Variants in PJA2 observed in about 807,000 individuals in gnomAD.
The protein encoded by PJA2 is E3 ubiquitin-protein ligase Praja-2.
PJA2 carries 25 observed loss-of-function variants against 69.3 expected under a neutral mutation model. That is an observed-to-expected ratio of 0.36 (90% confidence interval 0.26 to 0.50). The LOEUF is 0.50. PJA2 is among the 20% of genes least tolerant of loss of function. The pLI is 0.96. For synonymous variants in PJA2, 308 were observed against 277.8 expected (o/e 1.11, Z -1.08); for missense variants, 809 against 830.2 (o/e 0.97, Z 0.31).
At chr5:109,339,683 A>T (rs529102487) in intron 9 of PJA2, among the ~76,000 whole-genome samples, 1 of 152,350 alleles carries the variant, frequency 6.6e-6, no homozygotes, top group Non-Finnish European at 1.5e-5. Context: ...CATCATGTAC[A>T]GACACTGAAA....
intron 4 of PJA2, among the ~76,000 whole-genome samples, chr5:109,370,364 T>C (rs1762656550): frequency 6.6e-6 from 1 of 152,184 alleles, no homozygotes. Context: ...AATACGCAGT[T>C]AGTGATTTCC....
At chr5:109,354,637 G>C (rs1300309930) in intron 7 of PJA2, among the ~76,000 whole-genome samples, 1 of 142,414 alleles carries the variant, frequency 7.0e-6, no homozygotes, top group Non-Finnish European at 1.5e-5. Context: ...AGATATATTA[G>C]ATATATGTTA....
chr5:109,381,675 G>T lies in PJA2; in HGVS notation c.60C>A (p.Val20=). The change falls in exon 3 of 10, where the codon GTC becomes GTA. Residue 20 remains valine, a synonymous_variant. Transcript: ENST00000361189. ...GATACCCTCCTGCTGGTTTGGGCCA[G>T]ACAGCCTTACCAGATTCTTGGTCCA... is the stretch of plus-strand genomic sequence containing the variant. The part of the protein sequence containing the change: ...AAMDQESGKA[V]WPKPAGGYQT... 1 of 1,613,772 alleles carries T rather than the reference G, an allele frequency of 6.2e-7. No individual in the cohort carries two copies. Among genetic ancestry groups the T allele is most frequent in the Non-Finnish European group, 8.5e-7 (1 of 1,179,976 alleles).
chr5:109,344,429 C>T, intron 8 of PJA2, 118 bp from the exon 9 acceptor site: 1 of 1,098,410 alleles, frequency 9.1e-7, no homozygotes, highest in South Asian at 2.0e-5. Context: ...AGTCTTTGAC[C>T]AGTTAATTGG....
At chr5:109,353,994 T>C (rs186677069) in intron 7 of PJA2, among the ~76,000 whole-genome samples, 1 of 144,158 alleles carries the variant, frequency 6.9e-6, no homozygotes, top group Non-Finnish European at 1.5e-5. Flanking sequence ...TAGATAGATA[T>C]CTAGAGATAT....
intron 9 of PJA2, among the ~76,000 whole-genome samples, chr5:109,342,865 T>G (rs1283137971): frequency 1.0e-4 from 1 of 9,646 alleles, no homozygotes; most frequent in East Asian, 1.0e-3. Context: ...AGCCGCCCCG[T>G]CCGGGAGGGA....
At chr5:109,401,343 G>A (rs115216323) in intron 1 of PJA2, among the ~76,000 whole-genome samples, 7 of 152,022 alleles carry the variant, frequency 4.6e-5, no homozygotes, top group South Asian at 2.1e-4. Flanking sequence ...GCCTGCAAAT[G>A]CAGGATTTTT....
chr5:109,369,254 T>G (rs1482636718), intron 4 of PJA2, among the ~76,000 whole-genome samples: 1 of 152,134 alleles, frequency 6.6e-6, no homozygotes, highest in Non-Finnish European at 1.5e-5. Flanking sequence ...TAGTATAGAG[T>G]GGAGTGTCGA....
At chr5:109,362,692 G>T in intron 6 of PJA2, 148 bp downstream of exon 6, 1 of 749,112 alleles carries the variant, frequency 1.3e-6, no homozygotes, top group Non-Finnish European at 2.0e-6. Flanking sequence ...CAAGTAGGAA[G>T]GAACATTTGA....
intron 1 of PJA2, among the ~76,000 whole-genome samples, chr5:109,399,183 C>A (rs989971255): frequency 4.0e-4 from 1 of 2,474 alleles, no homozygotes; most frequent in African/African-American, 1.1e-3. Context: ...TGCACTCCAG[C>A]CTGGGTGACA....
chr5:109,353,364 G>T (rs1204883825), intron 7 of PJA2, among the ~76,000 whole-genome samples: 5 of 133,470 alleles, frequency 3.7e-5, no homozygotes, highest in African/African-American at 8.1e-5. Flanking sequence ...CTATATATTA[G>T]ATACCTATTA....
intron 3 of PJA2, 49 bp from the exon 4 acceptor site, chr5:109,379,303 A>G: frequency 2.3e-6 from 3 of 1,303,888 alleles, no homozygotes; most frequent in Non-Finnish European, 3.1e-6. Context: ...AACTTAGATA[A>G]AATTTTATGT....
intron 9 of PJA2, among the ~76,000 whole-genome samples, chr5:109,341,453 C>T (rs1281458567): frequency 9.3e-5 from 13 of 139,182 alleles, no homozygotes; most frequent in African/African-American, 2.9e-4. Flanking sequence ...GCAGCTGCCC[C>T]GTCTGAGAAG....
At chr5:109,359,868 T>C (rs574095687) in intron 6 of PJA2, among the ~76,000 whole-genome samples, 39 of 152,284 alleles carry the variant, frequency 2.6e-4, no homozygotes, top group African/African-American at 9.1e-4. Context: ...CTGTGTTATA[T>C]AACAAAATGG....
chr5:109,343,301 GAAAGAAAGA>G (rs1762113808), intron 9 of PJA2, among the ~76,000 whole-genome samples: 1 of 32,872 alleles, frequency 3.0e-5, no homozygotes, highest in Non-Finnish European at 5.4e-5. Context: ...AAGAAAGAAA[GAAAGAAAGA>G]AAAAAAGAAA....
chr5:109,375,902 A>G (rs1481186923), intron 4 of PJA2, among the ~76,000 whole-genome samples: 2 of 152,208 alleles, frequency 1.3e-5, no homozygotes, highest in African/African-American at 4.8e-5. Flanking sequence ...ATTAGGGTAG[A>G]GGAACAGGAC....
In PJA2 at chr5:109,379,183, T is replaced by A; in HGVS notation, c.304A>T (p.Ile102Phe). 6.2e-7 allele frequency: 1 copy of A among 1,614,100 alleles called. No homozygotes were observed. Among genetic ancestry groups the A allele is most frequent in the Non-Finnish European group, 8.5e-7 (1 of 1,180,002 alleles). ...TTCAATGCTGAACCACAAGTGGGAA[T>A]TTCTGTTTCACTTTTTTCAAATATA... is the stretch of plus-strand genomic sequence containing the variant. The part of the protein sequence containing the change: ...EPIFEKSETE[I>F]PTCGSALNQT... Residue 102 changes from isoleucine (I) to phenylalanine (F), a missense_variant, in exon 4 of 10, where the codon ATT becomes TTT. Around this residue, in one of 4 missense-constraint regions of PJA2, gnomAD observed 700 missense variants for 639.5 expected, o/e 1.09. Coordinates refer to ENST00000361189, the MANE Select transcript of PJA2 (RefSeq NM_014819.5).
chr5:109,356,793 C>A (rs906211393), intron 6 of PJA2, among the ~76,000 whole-genome samples: 1 of 151,962 alleles, frequency 6.6e-6, no homozygotes, highest in African/African-American at 2.4e-5. Flanking sequence ...ATTAGGCCAC[C>A]TCCATTATTA....
chr5:109,341,604 G>A (rs1762062697), intron 9 of PJA2, among the ~76,000 whole-genome samples: 1 of 131,034 alleles, frequency 7.6e-6, no homozygotes, highest in Non-Finnish European at 1.7e-5. Context: ...GGAGGTGGGG[G>A]GGTCAGCCCC....
Sources: allele counts gnomAD v4.1 joint callset (sites outside exome capture counted in the v4.1 genomes callset), GRCh38; gene constraint gnomAD v4.1.1; regional missense constraint gnomAD v4.1.1; transcripts MANE v1.5; gene names NCBI Gene and HGNC (gene_info 2026-07-23, HGNC 2026-07-21).